Variants in ST3GAL4 observed in about 807,000 individuals in gnomAD.
The protein encoded by ST3GAL4 is ST3 beta-galactoside alpha-2,3-sialyltransferase 4.
ST3GAL4 carries 24 observed loss-of-function variants against 42.6 expected under a neutral mutation model. The observed-to-expected ratio is 0.56, with a 90% CI of 0.41 to 0.79. The LOEUF is 0.79. ST3GAL4 is among the 30% of genes least tolerant of loss of function. The pLI is 0.00. For synonymous variants in ST3GAL4, 135 were observed against 163.2 expected, an observed-to-expected ratio of 0.83 and a Z score of 1.32; for missense variants, 311 against 430.8, an observed-to-expected ratio of 0.72 and a Z score of 2.46.
chr11:126,364,043 G>A (rs1160520998), intron 1 of ST3GAL4, among the ~76,000 whole-genome samples: 2 of 152,226 alleles, frequency 1.3e-5, no homozygotes, highest in African/African-American at 2.4e-5. Context: ...GCTGCCTGGC[G>A]GCCCTGGGGC....
At position 126,392,048 on chromosome 11, in the gene ST3GAL4, A is replaced by T. The variant is rs1197958444; in HGVS notation, c.-60-14048A>T. 1 of 151,938 alleles carries T rather than the reference A, an allele frequency of 6.6e-6. No individual in the cohort carries two copies. The highest frequency in any genetic ancestry group is 1.9e-4 in the East Asian group (1 of 5,190). The allele number at this position is 151,938 out of a possible 1,614,324, so 9.4% of individuals were successfully genotyped here. On this transcript the variant is annotated intron_variant, in intron 1 of 10. Transcript: ENST00000444328. The surrounding 1 kb of genome is among the most constrained non-coding windows in gnomAD (Gnocchi z 5.8). ...TGAAGGCAGTTACACGTAATTTACA[A>T]ATGAGGAATCTGAGGCTTTGAGATT...
intron 1 of ST3GAL4, among the ~76,000 whole-genome samples, chr11:126,405,173 C>T (rs1272043988): frequency 6.6e-6 from 1 of 152,170 alleles, no homozygotes; most frequent in East Asian, 1.9e-4. Flanking sequence ...GGAAGCATGG[C>T]GTGGATGGAA....
Position 126,384,071 on chromosome 11 carries a change from C to G in ST3GAL4, c.-60-22025C>G, listed in dbSNP as rs1021370273. ...CTCCTCTGGCGAGCCTGCCTTGATA[C>G]TCCCCGGCTCAACCCCTTTAACCCT... On this transcript the variant is annotated intron_variant, in intron 1 of 10. Coordinates refer to ENST00000444328, the MANE Select transcript of ST3GAL4 (RefSeq NM_001254757.2). This position sits in a 1 kb window ranked among gnomAD's most constrained non-coding sequence, Gnocchi z 5.5. Among the ~76,000 whole-genome samples, 3 of 152,208 alleles carry G rather than the reference C, an allele frequency of 2.0e-5. No homozygotes were observed. The highest frequency in any genetic ancestry group is 7.2e-5 in the African/African-American group (3 of 41,452).
chr11:126,401,824 C>T (rs73632801), intron 1 of ST3GAL4, among the ~76,000 whole-genome samples: 14 of 151,636 alleles, frequency 9.2e-5, no homozygotes, highest in Middle Eastern at 3.4e-3. Context: ...GCATAGGGGT[C>T]GGGGGACAGA....
chr11:126,368,918 A>C (rs1591423789), intron 1 of ST3GAL4, among the ~76,000 whole-genome samples: 1 of 152,092 alleles, frequency 6.6e-6, no homozygotes, highest in Non-Finnish European at 1.5e-5. Context: ...GGTAACACAC[A>C]CACCCCTCCC....
chr11:126,384,225 C>G lies in ST3GAL4; in HGVS notation c.-60-21871C>G, dbSNP rs1953127941. 1.3e-5 allele frequency among the ~76,000 whole-genome samples: 2 copies of G among 152,194 alleles called. No individual in the cohort carries two copies. Among genetic ancestry groups the G allele is most frequent in the African/African-American group, 4.8e-5 (2 of 41,446 alleles). On this transcript the variant is annotated intron_variant, in intron 1 of 10. Transcript: ENST00000444328. The surrounding 1 kb of genome is among the most constrained non-coding windows in gnomAD (Gnocchi z 5.5). ...TCCGTCTCAGTGCCCAGCAGTTGTTCTGGTGATGGGAGGTGGGAGTACAAG... is the reference window on the plus strand; with the variant it reads ...TCCGTCTCAGTGCCCAGCAGTTGTTGTGGTGATGGGAGGTGGGAGTACAAG...
Position 126,414,337 on chromosome 11 carries a change from TATTTA to T in ST3GAL4, c.*294_*298del. On this transcript the variant is annotated 3_prime_UTR_variant, in exon 11 of 11. Coordinates refer to ENST00000444328, the MANE Select transcript of ST3GAL4 (RefSeq NM_001254757.2). ...AGCACCAAGAGATTATTTAATGGGC[TATTTA>T]ATTAAGGGGTAGGAAGGTGCTGTGG... The T allele has an allele frequency of 2.2e-6, 1 of 463,140 alleles. No homozygotes were observed. The highest frequency in any genetic ancestry group is 4.0e-6 in the Non-Finnish European group (1 of 251,788). The allele number at this position is 463,140 out of a possible 1,614,324, so 28.7% of individuals were successfully genotyped here. A position where few individuals can be genotyped will look rare whatever the true frequency, so the allele number is the denominator to read the frequency against.
At chr11:126,358,509 G>A (rs1216823368) in intron 1 of ST3GAL4, 2 of 454,326 alleles carry the variant, frequency 4.4e-6, no homozygotes, top group African/African-American at 4.0e-5. Context: ...TTCGGGGAGG[G>A]AGGTGTGTGA....
In ST3GAL4 at chr11:126,378,629, G is replaced by C. The variant is rs1482333508; in HGVS notation, c.-61+22787G>C. On this transcript the variant is annotated intron_variant, in intron 1 of 10. Transcript: ENST00000444328. This position sits in a 1 kb window ranked among gnomAD's most constrained non-coding sequence, Gnocchi z 5.3. ...TCACCGTGTTAGCCAGGATGGTCTC[G>C]ATCTCCTGACCTCGTGATCCACCCT... Among the ~76,000 whole-genome samples, 1 of 152,100 alleles carries C rather than the reference G, an allele frequency of 6.6e-6. No homozygotes were observed. Among genetic ancestry groups the C allele is most frequent in the African/African-American group, 2.4e-5 (1 of 41,434 alleles).
rs1396947770 is a variant in ST3GAL4 at position 126,363,470 on chromosome 11, C to G, written c.-61+7628C>G. ...GTTCAGGAGAGCCTTCATTGGGAGC[C>G]CATGGGAGCAGGAGTCAGCTCCTCC... On this transcript the variant is annotated intron_variant, in intron 1 of 10. Coordinates refer to ENST00000444328, the MANE Select transcript of ST3GAL4 (RefSeq NM_001254757.2). The surrounding 1 kb of genome is among the most constrained non-coding windows in gnomAD (Gnocchi z 4.6). Among the ~76,000 whole-genome samples the G allele has an allele frequency of 2.0e-5, 3 of 152,156 alleles. No homozygotes were observed. Among genetic ancestry groups the G allele is most frequent in the Non-Finnish European group, 4.4e-5 (3 of 68,034 alleles).
In ST3GAL4 at chr11:126,383,303, A is replaced by G. The variant is rs1347765045; in HGVS notation, c.-60-22793A>G. Among the ~76,000 whole-genome samples the G allele has an allele frequency of 6.6e-6, 1 of 152,180 alleles. No individual in the cohort carries two copies. Among genetic ancestry groups the G allele is most frequent in the Non-Finnish European group, 1.5e-5 (1 of 68,030 alleles). ...GAACGAGGTTCCTGAGGGCTGGCAC[A>G]GCCACTCCCTGCCCCTTAGAGGCTC... is the stretch of plus-strand genomic sequence containing the variant. On this transcript the variant is annotated intron_variant, in intron 1 of 10. Transcript: ENST00000444328. The surrounding 1 kb of genome is among the most constrained non-coding windows in gnomAD (Gnocchi z 4.5).
chr11:126,400,654 C>T lies in ST3GAL4; in HGVS notation c.-60-5442C>T, dbSNP rs1343902415. Among the ~76,000 whole-genome samples, 3 of 152,138 alleles carry T rather than the reference C, an allele frequency of 2.0e-5. No individual in the cohort carries two copies. The highest frequency in any genetic ancestry group is 4.8e-5 in the African/African-American group (2 of 41,432). On this transcript the variant is annotated intron_variant, in intron 1 of 10. Transcript: ENST00000444328. The surrounding 1 kb of genome is among the most constrained non-coding windows in gnomAD (Gnocchi z 4.6). ...AGTGAAGCAAGAGGGTGATTTGATC[C>T]ATATCATTTCTTAGAAGGATACCAT... is the stretch of plus-strand genomic sequence containing the variant.
At position 126,406,546 on chromosome 11, in the gene ST3GAL4, G is replaced by C. The variant is rs1240054971; in HGVS notation, c.90G>C (p.Arg30Ser). ...MVWYSISRED[R>S]YIELFYFPIP... ...GGTATTCCATCTCCCGGGAAGACAG[G>C]TACATCGAGCTGTGAGTTCACCTTC... is the stretch of plus-strand genomic sequence containing the variant. The change falls in exon 3 of 11, where the codon AGG (arginine) becomes AGC (serine). Residue 30 changes from arginine to serine, a missense_variant. Physicochemically the swap from Arg to Ser is moderately radical, Grantham distance 110. Transcript: ENST00000444328. This position sits in a 1 kb window ranked among gnomAD's most constrained non-coding sequence, Gnocchi z 5.4. The C allele has an allele frequency of 2.5e-6, 4 of 1,614,100 alleles. No homozygotes were observed. Among genetic ancestry groups the C allele is most frequent in the African/African-American group, 1.3e-5 (1 of 74,952 alleles).
chr11:126,414,560 G>A lies in ST3GAL4; in HGVS notation c.*513G>A. 1 of 155,152 alleles carries A rather than the reference G, an allele frequency of 6.4e-6. No individual in the cohort carries two copies. Among genetic ancestry groups the A allele is most frequent in the Non-Finnish European group, 1.4e-5 (1 of 69,690 alleles). 9.6% of individuals were successfully genotyped at this position (155,152 alleles called of 1,614,324 possible). On this transcript the variant is annotated 3_prime_UTR_variant, in exon 11 of 11. Transcript: ENST00000444328. ...GCAGGCATGGGAAGAGCACTGGTGTGGGGGTTCCACCGAGAAGGGGACCTC... is the reference window on the plus strand; with the variant it reads ...GCAGGCATGGGAAGAGCACTGGTGTAGGGGTTCCACCGAGAAGGGGACCTC...
intron 1 of ST3GAL4, among the ~76,000 whole-genome samples, chr11:126,405,302 T>G (rs1374404092): frequency 6.6e-6 from 1 of 152,242 alleles, no homozygotes; most frequent in African/African-American, 2.4e-5. Context: ...CCTCTGCTTG[T>G]GTGCAGGGGT....
At chr11:126,394,138 A>T (rs1182533891) in intron 1 of ST3GAL4, among the ~76,000 whole-genome samples, 1 of 152,186 alleles carries the variant, frequency 6.6e-6, no homozygotes, top group Non-Finnish European at 1.5e-5. Flanking sequence ...GCTGTGCTGG[A>T]AGCAGGGGAT....
rs117108166 is a variant in ST3GAL4 at position 126,374,723 on chromosome 11, C to T, written c.-61+18881C>T. ...TCAGAGCAAGGACCCGGGCTCTCCCCGTAAGTGAGAAGAGTCCATGGAGGT... is the reference window on the plus strand; with the variant it reads ...TCAGAGCAAGGACCCGGGCTCTCCCTGTAAGTGAGAAGAGTCCATGGAGGT... On this transcript the variant is annotated intron_variant, in intron 1 of 10. Transcript: ENST00000444328. 5.8e-3 allele frequency among the ~76,000 whole-genome samples: 875 copies of T among 152,156 alleles called. 10 individuals are homozygous for T. The highest frequency in any genetic ancestry group is 0.028 in the East Asian group (145 of 5,158).
rs1014823794 is a variant in ST3GAL4 at position 126,397,788 on chromosome 11, G to C, written c.-60-8308G>C. On this transcript the variant is annotated intron_variant, in intron 1 of 10. Transcript: ENST00000444328. This position sits in a 1 kb window ranked among gnomAD's most constrained non-coding sequence, Gnocchi z 5.0. ...GGAAGAAGGGCAAGGTGGAGAGAGA[G>C]AGCAGGAAGGGGCCTAATTGTCCTT... 6.6e-6 allele frequency among the ~76,000 whole-genome samples: 1 copy of C among 152,172 alleles called. No homozygotes were observed. Among genetic ancestry groups the C allele is most frequent in the Non-Finnish European group, 1.5e-5 (1 of 68,032 alleles).
At position 126,377,479 on chromosome 11, in the gene ST3GAL4, C is replaced by CTTT. The variant is rs59029262; in HGVS notation, c.-61+21654_-61+21656dup. Among the ~76,000 whole-genome samples the CTTT allele has an allele frequency of 3.1e-3, 360 of 117,630 alleles. 8 individuals are homozygous for CTTT. Among genetic ancestry groups the CTTT allele is most frequent in the African/African-American group, 0.011 (330 of 30,776 alleles). The allele number at this position is 117,630 out of a possible 152,430, so 77.2% of individuals were successfully genotyped here. ...AGCCACCGTGCCTGGCCAACACCTT[C>CTTT]TTTTTTTTTTTTTTTTTTTGAGATA... On this transcript the variant is annotated intron_variant, in intron 1 of 10. Transcript: ENST00000444328.
Sources: allele counts gnomAD v4.1 joint callset (sites outside exome capture counted in the v4.1 genomes callset), GRCh38; gene constraint gnomAD v4.1.1; non-coding constraint Gnocchi (gnomAD v3.1); transcripts MANE v1.5; gene names NCBI Gene and HGNC (gene_info 2026-07-23, HGNC 2026-07-21).